The following DUXA variants were observed in gnomAD, a reference collection of about 807,000 sequenced individuals.
DUXA encodes double homeobox protein A.
A neutral mutation model predicts 27.5 loss-of-function variants in DUXA; 25 were observed. That is an observed-to-expected ratio of 0.91 (90% confidence interval 0.66 to 1.27). The LOEUF is 1.27. DUXA is among the 50% of genes most tolerant of loss of function. DUXA has a pLI of 0.00. For synonymous variants in DUXA, 90 were observed against 80.5 expected (o/e 1.12, Z -0.63); for missense variants, 247 against 242.9 (o/e 1.02, Z -0.11).
rs1285387593 is a variant in DUXA at position 57,160,807 on chromosome 19, G to A, written c.26-10C>T. 6.2e-7 allele frequency: 1 copy of A among 1,612,956 alleles called. No homozygotes were observed. The highest frequency in any genetic ancestry group is 8.5e-7 in the Non-Finnish European group (1 of 1,179,820). ...TTTGTTTTTACCATCTCTGTAGGAA[G>A]ATTACAAAAGAAGAAGCATGTAATA... On this transcript the variant is annotated splice_polypyrimidine_tract_variant and intron_variant, in intron 1 of 5. Coordinates refer to ENST00000554048, the MANE Select transcript of DUXA (RefSeq NM_001012729.2).
At chr19:57,160,461 C>T (rs576913184) in intron 2 of DUXA, among the ~76,000 whole-genome samples, 182 bp downstream of exon 2, 1 of 152,348 alleles carries the variant, frequency 6.6e-6, no homozygotes, top group East Asian at 1.9e-4. Context: ...TGAGCTCGCT[C>T]ATCCTCAGTA....
In DUXA at chr19:57,160,186, G is replaced by A. The variant is rs368758811; in HGVS notation, c.180+457C>T. On this transcript the variant is annotated intron_variant, in intron 2 of 5. Coordinates refer to ENST00000554048, the MANE Select transcript of DUXA (RefSeq NM_001012729.2). ...AGCTGAGGGAGGGTTGCTTGAGACC[G>A]GGATTTCAAGGCTTCGGTGAGCCTT... is the stretch of plus-strand genomic sequence containing the variant. Among the ~76,000 whole-genome samples, 34 of 152,252 alleles carry A rather than the reference G, an allele frequency of 2.2e-4. 3 individuals are homozygous for A. The highest frequency in any genetic ancestry group is 1.4e-3 in the Admixed American group (22 of 15,286).
At chr19:57,164,716 A>G (rs771608968) in intron 1 of DUXA, among the ~76,000 whole-genome samples, 3 of 152,252 alleles carry the variant, frequency 2.0e-5, no homozygotes, top group South Asian at 4.1e-4. Flanking sequence ...TAGCAATTCA[A>G]ATAATTACAT....
intron 4 of DUXA, 86 bp from the exon 5 acceptor site, chr19:57,155,458 T>C (rs2122687657): frequency 8.9e-7 from 1 of 1,124,298 alleles, no homozygotes; most frequent in Non-Finnish European, 1.3e-6. Context: ...TTCTTTTCTG[T>C]TTTTTGAGAC....
At chr19:57,154,534 A>T (rs753583040) in intron 5 of DUXA, 52 bp from the exon 6 acceptor site, 1 of 1,397,538 alleles carries the variant, frequency 7.2e-7, no homozygotes, top group East Asian at 2.3e-5. Context: ...GCTTATATTC[A>T]CAAACATGGA....
intron 4 of DUXA, among the ~76,000 whole-genome samples, chr19:57,157,008 T>G (rs2086996108): frequency 6.6e-6 from 1 of 152,160 alleles, no homozygotes; most frequent in Non-Finnish European, 1.5e-5. Context: ...GTTTCAACAT[T>G]GGTTTTGGAG....
At position 57,155,258 on chromosome 19, in the gene DUXA, G is replaced by T; in HGVS notation, c.544+9C>A. 3.1e-6 allele frequency: 5 copies of T among 1,612,550 alleles called. No individual in the cohort carries two copies. The highest frequency in any genetic ancestry group is 1.7e-4 in the Middle Eastern group (1 of 6,058). The stretch of plus-strand genomic sequence containing the variant: ...TTGTGAACCACATTGGAAACAACAG[G>T]CTAGTTACCTTGCAGTCCCTCAGGA... On this transcript the variant is annotated intron_variant, in intron 5 of 5. Coordinates refer to ENST00000554048, the MANE Select transcript of DUXA (RefSeq NM_001012729.2).
chr19:57,157,608 G>C (rs188022283), intron 4 of DUXA, among the ~76,000 whole-genome samples: 180 of 152,136 alleles, frequency 1.2e-3, no homozygotes, highest in African/African-American at 4.0e-3. Flanking sequence ...TGGCATTACA[G>C]ACGTGAGCCA....
chr19:57,165,324 A>ATATATATATATATATATAT lies in DUXA; in HGVS notation c.25+2094_25+2095insATATATATATATATATATA, dbSNP rs1555759590. On this transcript the variant is annotated intron_variant, in intron 1 of 5. Coordinates refer to ENST00000554048, the MANE Select transcript of DUXA (RefSeq NM_001012729.2). Reference sequence around the variant, plus strand: ...TCTGGAGTAGGAAAAAAAAAAAAAAAATATATATATATATATATATGTATA... The same window carrying ATATATATATATATATATAT: ...TCTGGAGTAGGAAAAAAAAAAAAAAATATATATATATATATATATATATATATATATATATATATGTATA... Among the ~76,000 whole-genome samples, 261 of 89,090 alleles carry ATATATATATATATATATAT rather than the reference A, an allele frequency of 2.9e-3. 1 individual carries two copies. The highest frequency in any genetic ancestry group is 4.0e-3 in the Non-Finnish European group (173 of 43,726). 58.4% of individuals were successfully genotyped at this position (89,090 alleles called of 152,430 possible).
At chr19:57,164,650 T>G (rs2087042527) in intron 1 of DUXA, among the ~76,000 whole-genome samples, 1 of 152,200 alleles carries the variant, frequency 6.6e-6, no homozygotes, top group South Asian at 2.1e-4. Flanking sequence ...ACAAAAATTT[T>G]TTTTAAGATA....
chr19:57,154,697 G>A (rs2086982935), intron 5 of DUXA, among the ~76,000 whole-genome samples: 2 of 152,106 alleles, frequency 1.3e-5, no homozygotes, highest in East Asian at 3.9e-4. Flanking sequence ...CCGAGTAGCT[G>A]GGACTACAGG....
chr19:57,163,447 C>CT (rs11463065), intron 1 of DUXA, among the ~76,000 whole-genome samples: 124,938 of 148,826 alleles, frequency 0.84, 52,418 homozygotes, highest in Middle Eastern at 0.9. Context: ...CATCCTCTCT[C>CT]TTTTTTTTTT....
intron 4 of DUXA, among the ~76,000 whole-genome samples, chr19:57,157,213 G>A (rs2086997096): frequency 6.6e-6 from 1 of 152,078 alleles, no homozygotes; most frequent in African/African-American, 2.4e-5. Flanking sequence ...TGGTTTAAAC[G>A]CACACACACC....
chr19:57,167,182 T>A (rs1161935608), intron 1 of DUXA, among the ~76,000 whole-genome samples: 1 of 152,176 alleles, frequency 6.6e-6, no homozygotes, highest in African/African-American at 2.4e-5. Context: ...TTCCTGAAGC[T>A]CAAATATGTC....
chr19:57,160,002 G>A (rs2087012138), intron 2 of DUXA, among the ~76,000 whole-genome samples: 2 of 152,134 alleles, frequency 1.3e-5, no homozygotes, highest in Admixed American at 6.5e-5. Context: ...CTACTTGGGA[G>A]GCTGAGGCAG....
rs943966584 is a variant in DUXA at position 57,165,326 on chromosome 19, T to A, written c.25+2093A>T. On this transcript the variant is annotated intron_variant, in intron 1 of 5. Coordinates refer to ENST00000554048, the MANE Select transcript of DUXA (RefSeq NM_001012729.2). ...TGGAGTAGGAAAAAAAAAAAAAAAA[T>A]ATATATATATATATATATGTATATA... Among the ~76,000 whole-genome samples, 483 of 91,040 alleles carry A rather than the reference T, an allele frequency of 5.3e-3. 3 individuals are homozygous for A. Among genetic ancestry groups the A allele is most frequent in the East Asian group, 0.046 (146 of 3,206 alleles). 59.7% of individuals were successfully genotyped at this position (91,040 alleles called of 152,430 possible).
At chr19:57,160,549 C>G in intron 2 of DUXA, 94 bp downstream of exon 2, 7 of 1,431,352 alleles carry the variant, frequency 4.9e-6, no homozygotes, top group Non-Finnish European at 6.6e-6. Context: ...CCCTACCAAG[C>G]CCTCAGCACA....
chr19:57,158,121 T>C (rs1196454427), intron 4 of DUXA, among the ~76,000 whole-genome samples: 1 of 152,156 alleles, frequency 6.6e-6, no homozygotes. Context: ...GAATACAACA[T>C]TGCTCAAGAC....
chr19:57,166,686 G>A (rs533840445), intron 1 of DUXA, among the ~76,000 whole-genome samples: 1 of 152,232 alleles, frequency 6.6e-6, no homozygotes, highest in African/African-American at 2.4e-5. Flanking sequence ...AGGGAGATCA[G>A]TTAGGAGAAG....
Sources: gnomAD v4.1 joint callset for allele counts (sites outside exome capture counted in the v4.1 genomes callset) on GRCh38, gnomAD v4.1.1 for gene constraint, MANE v1.5 for transcripts, NCBI Gene and HGNC (gene_info 2026-07-23, HGNC 2026-07-21) for gene names.